Variants in TRPC5 observed in about 807,000 individuals in gnomAD.
The protein encoded by TRPC5 is transient receptor potential cation channel subfamily C member 5.
A neutral mutation model predicts 56.5 loss-of-function variants in TRPC5; 9 were observed. The observed-to-expected ratio is 0.16, with a 90% CI of 0.10 to 0.28. The LOEUF is 0.28. TRPC5 is among the 10% of genes least tolerant of loss of function. TRPC5 has a pLI of 1.00. For missense variants in TRPC5, 469 were observed against 748.9 expected (o/e 0.63, Z 4.36); for synonymous variants, 282 against 278.5 (o/e 1.01, Z -0.13).
At chrX:112,005,065 A>C (rs764340897) in intron 1 of TRPC5, among the ~76,000 whole-genome samples, 25 of 111,512 alleles carry the variant, frequency 2.2e-4, no homozygotes, top group Non-Finnish European at 4.3e-4. Flanking sequence ...TACAATGAAC[A>C]TCTGCGTGCA....
At chrX:111,851,042 T>G (rs953469057) in intron 5 of TRPC5, among the ~76,000 whole-genome samples, 3 of 112,052 alleles carry the variant, frequency 2.7e-5, no homozygotes, top group Non-Finnish European at 5.6e-5. Flanking sequence ...TTCAAACATT[T>G]TCCTCACCAG....
At chrX:111,782,806 AACACACACACAC>A (rs1186498788) in intron 7 of TRPC5, among the ~76,000 whole-genome samples, 45 of 92,113 alleles carry the variant, frequency 4.9e-4, no homozygotes, top group Non-Finnish European at 7.8e-4. Context: ...CATTATAATC[AACACACACACAC>A]ACACACACAC....
intron 1 of TRPC5, among the ~76,000 whole-genome samples, chrX:111,986,899 G>A (rs1928226603): frequency 9.0e-6 from 1 of 111,578 alleles, no homozygotes; most frequent in South Asian, 3.8e-4. Flanking sequence ...GTCTCCTTCA[G>A]GGCACATATA....
At chrX:111,799,974 G>C (rs1271535045) in intron 7 of TRPC5, among the ~76,000 whole-genome samples, 1 of 112,120 alleles carries the variant, frequency 8.9e-6, no homozygotes, top group African/African-American at 3.2e-5. Context: ...GAAGAGTTCT[G>C]ATTATTCAAG....
chrX:111,871,345 T>C (rs1923751503), intron 3 of TRPC5, among the ~76,000 whole-genome samples: 1 of 110,171 alleles, frequency 9.1e-6, no homozygotes, highest in African/African-American at 3.3e-5. Context: ...CATAACAGGA[T>C]AATGTGGGCT....
At chrX:112,069,093 C>T (rs1260224292) in intron 1 of TRPC5, among the ~76,000 whole-genome samples, 1 of 111,474 alleles carries the variant, frequency 9.0e-6, no homozygotes, top group Non-Finnish European at 1.9e-5. Flanking sequence ...CTAATGAGAG[C>T]TTATTATGAG....
chrX:111,796,407 G>A lies in TRPC5; in HGVS notation c.1897-14269C>T, dbSNP rs146291054. Reference sequence around the variant, plus strand: ...GGGCCATACTTTCTTGCTTTTTTGCGTGTTTTGTATTTTATAAAACTAGAC... The same window carrying A: ...GGGCCATACTTTCTTGCTTTTTTGCATGTTTTGTATTTTATAAAACTAGAC... On this transcript the variant is annotated intron_variant, in intron 7 of 10. Transcript: ENST00000262839. 9.0e-5 allele frequency among the ~76,000 whole-genome samples: 10 copies of A among 111,309 alleles called. No individual in the cohort carries two copies. The East Asian group carries it at 2.5e-3, about 28-fold the overall frequency.
intron 9 of TRPC5, among the ~76,000 whole-genome samples, chrX:111,779,598 T>C (rs760600787): frequency 8.9e-6 from 1 of 112,389 alleles, no homozygotes; most frequent in Admixed American, 9.4e-5. Context: ...CTACAGTTTG[T>C]ATTAGTGATG....
intron 7 of TRPC5, 93 bp from the exon 8 acceptor site, chrX:111,782,231 G>A: frequency 1.3e-6 from 1 of 742,229 alleles, no homozygotes; most frequent in Non-Finnish European, 1.9e-6. Flanking sequence ...TTCTATAGAG[G>A]GCAATATGTC....
intron 7 of TRPC5, among the ~76,000 whole-genome samples, chrX:111,821,347 C>A (rs1430175701): frequency 8.9e-6 from 1 of 111,898 alleles, no homozygotes; most frequent in Non-Finnish European, 1.9e-5. Flanking sequence ...TGACTTTCCC[C>A]TCCCACATTT....
Position 112,047,625 on chromosome X carries a change from A to G in TRPC5, c.-22+34254T>C, listed in dbSNP as rs1156784510. Among the ~76,000 whole-genome samples the G allele has an allele frequency of 3.6e-5, 4 of 112,316 alleles. 1 individual carries two copies. Among genetic ancestry groups the G allele is most frequent in the African/African-American group, 1.3e-4 (4 of 30,903 alleles). On this transcript the variant is annotated intron_variant, in intron 1 of 10. Transcript: ENST00000262839. The stretch of plus-strand genomic sequence containing the variant: ...TTCAACCTTAGAAATAATTTGTAAA[A>G]TGCTAATTAAAAAATAATGAGAATC...
At chrX:112,033,282 C>T (rs184915891) in intron 1 of TRPC5, among the ~76,000 whole-genome samples, 16 of 106,986 alleles carry the variant, frequency 1.5e-4, no homozygotes, top group African/African-American at 4.8e-4. Context: ...GACGAGTTAA[C>T]GGGTGCAGCA....
chrX:111,959,818 TTAAAATAGCTCCCCAG>T (rs972479852), intron 1 of TRPC5, among the ~76,000 whole-genome samples: 8 of 111,572 alleles, frequency 7.2e-5, no homozygotes. Flanking sequence ...CAATGACATT[TTAAAATAGCTCCCCAG>T]GTGAACCTAA....
intron 7 of TRPC5, among the ~76,000 whole-genome samples, chrX:111,821,178 A>C (rs1027326570): frequency 8.9e-6 from 1 of 111,836 alleles, no homozygotes; most frequent in African/African-American, 3.3e-5. Context: ...TTTATTAGGA[A>C]GGGCTTTGAG....
intron 1 of TRPC5, among the ~76,000 whole-genome samples, chrX:112,058,096 T>C (rs949160317): frequency 2.7e-5 from 3 of 111,835 alleles, no homozygotes; most frequent in Non-Finnish European, 5.6e-5. Context: ...TTGCAAACTC[T>C]GTTTTCTTCA....
chrX:111,940,957 G>A (rs991433831), intron 2 of TRPC5, among the ~76,000 whole-genome samples: 7 of 111,335 alleles, frequency 6.3e-5, no homozygotes, highest in African/African-American at 2.0e-4. Context: ...TGATGTCCCC[G>A]CTTCACCTTT....
chrX:111,971,623 A>G (rs763979330), intron 1 of TRPC5, among the ~76,000 whole-genome samples: 2 of 111,905 alleles, frequency 1.8e-5, no homozygotes, highest in Non-Finnish European at 3.8e-5. Flanking sequence ...AAACCAGCCC[A>G]AGATCTTTCC....
At chrX:112,034,858 G>GT (rs748162189) in intron 1 of TRPC5, among the ~76,000 whole-genome samples, 64 of 95,217 alleles carry the variant, frequency 6.7e-4, no homozygotes, top group East Asian at 4.7e-3. Flanking sequence ...ATCTCTTCTC[G>GT]TTTTTTTTTT....
intron 3 of TRPC5, among the ~76,000 whole-genome samples, chrX:111,905,820 C>T (rs1925585674): frequency 2.8e-5 from 3 of 105,496 alleles, no homozygotes; most frequent in Admixed American, 1.0e-4. Flanking sequence ...GAGGCTGAGG[C>T]AGGAGAATGG....
Sources: allele counts gnomAD v4.1 joint callset (sites outside exome capture counted in the v4.1 genomes callset), GRCh38; gene constraint gnomAD v4.1.1; transcripts MANE v1.5; gene names NCBI Gene and HGNC (gene_info 2026-07-23, HGNC 2026-07-21).